ADGRL3: variants seen among roughly 807,000 people sequenced by gnomAD.
The protein encoded by ADGRL3 is adhesion G protein-coupled receptor L3.
Under a neutral mutation model 153.5 loss-of-function variants are expected in ADGRL3, and 62 were observed. The observed-to-expected ratio is 0.40, with a 90% CI of 0.33 to 0.50. The LOEUF (loss-of-function observed/expected upper bound fraction) is 0.50. Ranked by LOEUF, ADGRL3 falls within the 20% of genes least tolerant of loss-of-function variation. The pLI, the probability that ADGRL3 is intolerant of heterozygous loss-of-function variation, is 0.47. For synonymous variants in ADGRL3, 710 were observed against 672.5 expected, an observed-to-expected ratio of 1.06 and a Z score of -0.86; for missense variants, 1,641 against 1,859.4, an observed-to-expected ratio of 0.88 and a Z score of 2.16.
intron 1 of ADGRL3, among the ~76,000 whole-genome samples, chr4:61,362,845 A>G (rs1053919419): frequency 1.3e-5 from 2 of 152,144 alleles, no homozygotes; most frequent in South Asian, 2.1e-4. Flanking sequence ...ACTTTTTCAT[A>G]TAAATATATA....
intron 8 of ADGRL3, among the ~76,000 whole-genome samples, chr4:61,743,516 T>C (rs1333961512): frequency 2.0e-5 from 3 of 152,108 alleles, no homozygotes; most frequent in Non-Finnish European, 4.4e-5. Context: ...GTACTATATT[T>C]AGAAACACAC....
At chr4:61,380,453 A>C (rs1158248036) in intron 1 of ADGRL3, among the ~76,000 whole-genome samples, 1 of 152,022 alleles carries the variant, frequency 6.6e-6, no homozygotes, top group African/African-American at 2.4e-5. Flanking sequence ...CATGTATTCC[A>C]GTTTTTTTGT....
At chr4:61,698,400 C>T (rs1257344582) in intron 6 of ADGRL3, among the ~76,000 whole-genome samples, 1 of 152,026 alleles carries the variant, frequency 6.6e-6, no homozygotes, top group Non-Finnish European at 1.5e-5. Flanking sequence ...TGCAGTGAGC[C>T]GAGATCACGC....
chr4:61,370,763 G>T (rs1352710215), intron 1 of ADGRL3, among the ~76,000 whole-genome samples: 1 of 152,080 alleles, frequency 6.6e-6, no homozygotes, highest in Non-Finnish European at 1.5e-5. Context: ...GTGCAGAGCT[G>T]AGTTCAATTC....
At chr4:61,341,894 A>G (rs1233268573) in intron 1 of ADGRL3, among the ~76,000 whole-genome samples, 3 of 152,124 alleles carry the variant, frequency 2.0e-5, no homozygotes, top group Non-Finnish European at 4.4e-5. Flanking sequence ...GAAATCATAA[A>G]ATTTGTAATT....
chr4:61,272,720 G>T (rs1366072547), intron 1 of ADGRL3, among the ~76,000 whole-genome samples: 6 of 152,046 alleles, frequency 3.9e-5, no homozygotes, highest in Non-Finnish European at 8.8e-5. Flanking sequence ...GACTTTAATT[G>T]TCAAAACTAT....
At chr4:61,924,016 G>A (rs1474809107) in intron 13 of ADGRL3, among the ~76,000 whole-genome samples, 2 of 151,916 alleles carry the variant, frequency 1.3e-5, no homozygotes, top group Non-Finnish European at 2.9e-5. Context: ...AACATTTGCC[G>A]TTGTCAACCC....
chr4:61,550,048 G>C (rs761515035), intron 4 of ADGRL3, among the ~76,000 whole-genome samples: 1 of 151,768 alleles, frequency 6.6e-6, no homozygotes, highest in Non-Finnish European at 1.5e-5. Context: ...CAAAACTAAT[G>C]GTGTTTTGAT....
rs550861941 is a variant in ADGRL3 at position 62,039,131 on chromosome 4, A to G, written c.3717+1275A>G. 2.6e-5 allele frequency among the ~76,000 whole-genome samples: 4 copies of G among 152,158 alleles called. No homozygotes were observed. The East Asian group carries it at 7.7e-4, about 29-fold the overall frequency. ...GATTGCTTCATTTTTTATTTGATGG[A>G]TGTTCAATTGGCTTGTAAGCTTAAT... On this transcript the variant is annotated intron_variant, in intron 24 of 26. Transcript: ENST00000683033.
chr4:61,602,532 G>A (rs958405891), intron 5 of ADGRL3, among the ~76,000 whole-genome samples: 11 of 152,094 alleles, frequency 7.2e-5, no homozygotes, highest in Admixed American at 2.0e-4. Flanking sequence ...AAAATAGCAA[G>A]CTCCAAGTGT....
chr4:61,574,079 C>T (rs1306777042), intron 4 of ADGRL3, among the ~76,000 whole-genome samples: 1 of 151,924 alleles, frequency 6.6e-6, no homozygotes, highest in Admixed American at 6.6e-5. Flanking sequence ...GTCACTCAAC[C>T]TGTTTTATAA....
chr4:61,903,671 A>G (rs1359048430), intron 11 of ADGRL3, among the ~76,000 whole-genome samples: 2 of 145,992 alleles, frequency 1.4e-5, no homozygotes, highest in South Asian at 2.1e-4. Context: ...AAAAAAAAAA[A>G]AAAAAAAAAA....
chr4:61,829,059 T>TCA (rs2097842911), intron 9 of ADGRL3, among the ~76,000 whole-genome samples: 2 of 152,224 alleles, frequency 1.3e-5, no homozygotes, highest in African/African-American at 4.8e-5. Flanking sequence ...TTAATAAACA[T>TCA]GTGTGGTACT....
At chr4:61,776,082 A>G (rs1256298863) in intron 8 of ADGRL3, among the ~76,000 whole-genome samples, 9 of 151,854 alleles carry the variant, frequency 5.9e-5, no homozygotes, top group Non-Finnish European at 1.2e-4. Context: ...TTGTATTTTT[A>G]GTAGAGACGG....
At chr4:61,711,491 T>TATATATATATATATATATAC (rs757078842) in intron 6 of ADGRL3, among the ~76,000 whole-genome samples, 8 of 89,200 alleles carry the variant, frequency 9.0e-5, no homozygotes, top group East Asian at 1.1e-3. Context: ...TATATATATA[T>TATATATATATATATATATAC]ACACACACAC....
intron 5 of ADGRL3, among the ~76,000 whole-genome samples, chr4:61,613,599 C>G (rs1258151320): frequency 1.3e-5 from 2 of 152,194 alleles, no homozygotes; most frequent in East Asian, 3.9e-4. Context: ...CAAAATTTAG[C>G]TGGGTGTGGT....
chr4:61,775,671 C>T, intron 8 of ADGRL3: 3 of 1,508,496 alleles, frequency 2.0e-6, no homozygotes, highest in Non-Finnish European at 2.7e-6. Context: ...TGACATACAT[C>T]ACAGGCTCAT....
At chr4:61,335,835 ACT>A (rs979344610) in intron 1 of ADGRL3, among the ~76,000 whole-genome samples, 1 of 151,982 alleles carries the variant, frequency 6.6e-6, no homozygotes, top group African/African-American at 2.4e-5. Context: ...ATTTCTATAA[ACT>A]CTTTTCTTTA....
chr4:61,606,583 C>T (rs2099033332), intron 5 of ADGRL3, among the ~76,000 whole-genome samples: 1 of 152,128 alleles, frequency 6.6e-6, no homozygotes, highest in African/African-American at 2.4e-5. Context: ...GGACGAGGGT[C>T]CCATCTTTAT....
Sources: gnomAD v4.1 joint callset for allele counts (sites outside exome capture counted in the v4.1 genomes callset) on GRCh38, gnomAD v4.1.1 for gene constraint, MANE v1.5 for transcripts, NCBI Gene and HGNC (gene_info 2026-07-23, HGNC 2026-07-21) for gene names.